The following TBL1XR1 variants were observed in gnomAD, a reference collection of about 807,000 sequenced individuals.
TBL1XR1 encodes the protein TBL1X/Y related 1.
Under a neutral mutation model 66.9 loss-of-function variants are expected in TBL1XR1, and 5 were observed. The ratio of observed to expected loss-of-function variants is 0.07; its 90% CI spans 0.04 to 0.16. The LOEUF is 0.16. Ranked by LOEUF, TBL1XR1 falls within the 10% of genes least tolerant of loss-of-function variation. The probability of loss-of-function intolerance (pLI) is 1.00; values close to 1 mark genes in which losing one functional copy is unlikely to be tolerated. For missense variants in TBL1XR1, 238 were observed against 623.2 expected (o/e 0.38, Z 6.58); for synonymous variants, 210 against 206.0 (o/e 1.02, Z -0.17).
intron 1 of TBL1XR1, among the ~76,000 whole-genome samples, chr3:177,131,841 T>A (rs1728330811): frequency 6.6e-6 from 1 of 150,888 alleles, no homozygotes; most frequent in South Asian, 2.1e-4. Flanking sequence ...CATTAACGAA[T>A]TCATCACATC....
intron 2 of TBL1XR1, 74 bp downstream of exon 2, chr3:177,098,392 A>C (rs896044625): frequency 6.4e-5 from 56 of 877,966 alleles, no homozygotes; most frequent in Non-Finnish European, 7.1e-5. Context: ...ATTGTGAGAA[A>C]CTTTCAAAAT....
At chr3:177,055,550 G>A (rs1278207480) in intron 3 of TBL1XR1, among the ~76,000 whole-genome samples, 1 of 150,618 alleles carries the variant, frequency 6.6e-6, no homozygotes, top group Non-Finnish European at 1.5e-5. Flanking sequence ...ATCGGGGGGC[G>A]GGGCGGGGGT....
chr3:177,131,293 A>T, intron 1 of TBL1XR1: 1 of 977,674 alleles, frequency 1.0e-6, no homozygotes, highest in South Asian at 4.7e-5. Flanking sequence ...TTGCCTAATC[A>T]TAAAGACCCT....
At chr3:177,068,303 T>G (rs1024723097) in intron 2 of TBL1XR1, among the ~76,000 whole-genome samples, 3 of 152,182 alleles carry the variant, frequency 2.0e-5, no homozygotes, top group Non-Finnish European at 4.4e-5. Context: ...CATAAAAGCT[T>G]TTATTTAAAA....
At chr3:177,042,292 T>C (rs1042864808) in intron 10 of TBL1XR1, among the ~76,000 whole-genome samples, 4 of 152,164 alleles carry the variant, frequency 2.6e-5, no homozygotes, top group African/African-American at 4.8e-5. Flanking sequence ...TAAAGATACA[T>C]TAAAGTGTTA....
intron 1 of TBL1XR1, among the ~76,000 whole-genome samples, chr3:177,163,122 C>G (rs1732419941): frequency 6.6e-6 from 1 of 152,114 alleles, no homozygotes; most frequent in African/African-American, 2.4e-5. Flanking sequence ...TTGCCACAGC[C>G]ACAGACTGAG....
chr3:177,156,116 TA>T lies in TBL1XR1; in HGVS notation c.-122+41004del, dbSNP rs531101146. On this transcript the variant is annotated intron_variant, in intron 1 of 15. Transcript: ENST00000457928. ...TAGAACAAAAAAAAACAGAAACCATTAAAAAAAAAAAACCTAGAATTCATGA... is the reference window on the plus strand; with the variant it reads ...TAGAACAAAAAAAAACAGAAACCATTAAAAAAAAAAACCTAGAATTCATGA... Among the ~76,000 whole-genome samples the T allele has an allele frequency of 9.8e-3, 490 of 49,828 alleles. 1 individual carries two copies. The highest frequency in any genetic ancestry group is 0.031 in the African/African-American group (420 of 13,692). 32.7% of individuals were successfully genotyped at this position (49,828 alleles called of 152,430 possible).
intron 7 of TBL1XR1, 54 bp from the exon 8 acceptor site, chr3:177,047,603 G>A (rs1325036633): frequency 2.6e-6 from 4 of 1,521,478 alleles, no homozygotes. Flanking sequence ...GTATTTAATT[G>A]TTGTTAAAGT....
At chr3:177,095,495 A>T (rs1346428193) in intron 2 of TBL1XR1, among the ~76,000 whole-genome samples, 2 of 70,546 alleles carry the variant, frequency 2.8e-5, no homozygotes, top group South Asian at 1.1e-3. Context: ...GTGCAATTAG[A>T]TTTTTTTTTT....
At chr3:177,178,013 A>C (rs906981383) in intron 1 of TBL1XR1, among the ~76,000 whole-genome samples, 1 of 152,212 alleles carries the variant, frequency 6.6e-6, no homozygotes, top group Admixed American at 6.5e-5. Flanking sequence ...ATTGGAACTG[A>C]GAGGGAATGA....
intron 2 of TBL1XR1, among the ~76,000 whole-genome samples, chr3:177,083,128 G>A (rs1721650747): frequency 6.6e-6 from 1 of 151,866 alleles, no homozygotes; most frequent in Non-Finnish European, 1.5e-5. Context: ...TGAAAAAAGT[G>A]TCCTAAGCCA....
chr3:177,185,245 A>G (rs1274071856), intron 1 of TBL1XR1, among the ~76,000 whole-genome samples: 2 of 152,202 alleles, frequency 1.3e-5, no homozygotes, highest in Admixed American at 6.5e-5. Context: ...GCATATATAA[A>G]TACACACATA....
intron 1 of TBL1XR1, among the ~76,000 whole-genome samples, chr3:177,196,740 C>G (rs1309577281): frequency 2.0e-5 from 2 of 98,918 alleles, no homozygotes; most frequent in East Asian, 4.5e-4. Flanking sequence ...AAGCCTCCCC[C>G]CCCAAACACA....
At chr3:177,078,559 G>C (rs1720979195) in intron 2 of TBL1XR1, 1 of 149,954 alleles carries the variant, frequency 6.7e-6, no homozygotes, top group African/African-American at 2.5e-5. Flanking sequence ...CTGCACTCCA[G>C]CTGGGGCGAA....
chr3:177,134,762 C>T (rs754340861), intron 1 of TBL1XR1, among the ~76,000 whole-genome samples: 2 of 152,156 alleles, frequency 1.3e-5, no homozygotes, highest in Non-Finnish European at 2.9e-5. Context: ...TAACATCCAC[C>T]TCACCCTGTA....
intron 10 of TBL1XR1, among the ~76,000 whole-genome samples, chr3:177,038,705 G>A (rs1444884054): frequency 6.6e-6 from 1 of 152,132 alleles, no homozygotes; most frequent in African/African-American, 2.4e-5. Context: ...CCTGAGAGCT[G>A]GCTCTGTGGG....
chr3:177,070,552 C>G (rs1300224334), intron 2 of TBL1XR1, among the ~76,000 whole-genome samples: 1 of 152,010 alleles, frequency 6.6e-6, no homozygotes, highest in Non-Finnish European at 1.5e-5. Flanking sequence ...AAGTCAGACA[C>G]GAAAAATAAA....
upstream of TBL1XR1, among the ~76,000 whole-genome samples, chr3:177,197,697 GGCGGCGGCGCGGC>G (rs1737077918): frequency 7.0e-6 from 1 of 142,558 alleles, no homozygotes; most frequent in Non-Finnish European, 1.6e-5. Context: ...GCCGGGAGGC[GGCGGCGGCGCGGC>G]GGGGGGGCTC....
At chr3:177,098,629 A>C in intron 1 of TBL1XR1, 88 bp from the exon 2 acceptor site, 1 of 687,042 alleles carries the variant, frequency 1.5e-6, no homozygotes, top group Non-Finnish European at 1.8e-6. Context: ...CATGTTTGAA[A>C]TATTCTTTAA....
Sources: allele counts gnomAD v4.1 joint callset (sites outside exome capture counted in the v4.1 genomes callset), GRCh38; gene constraint gnomAD v4.1.1; transcripts MANE v1.5; gene names NCBI Gene and HGNC (gene_info 2026-07-23, HGNC 2026-07-21).